The following IMMP2L variants were observed in gnomAD, a reference collection of about 807,000 sequenced individuals.
IMMP2L encodes the protein mitochondrial inner membrane protease subunit 2.
Under a neutral mutation model 19.3 loss-of-function variants are expected in IMMP2L, and 18 were observed. The ratio of observed to expected loss-of-function variants is 0.93; its 90% CI spans 0.64 to 1.38. IMMP2L has a LOEUF of 1.38. Among genes scored for constraint, IMMP2L ranks in the 40% most tolerant of loss-of-function variants. The pLI, the probability that IMMP2L is intolerant of heterozygous loss-of-function variation, is 0.00. For missense variants in IMMP2L, 233 were observed against 218.2 expected (o/e 1.07, Z -0.43); for synonymous variants, 76 against 73.0 (o/e 1.04, Z -0.21).
chr7:111,309,754 A>G (rs1205265026), intron 3 of IMMP2L, among the ~76,000 whole-genome samples: 1 of 152,174 alleles, frequency 6.6e-6, no homozygotes, highest in African/African-American at 2.4e-5. Context: ...GACAGAAATA[A>G]TATATATTTT....
intron 3 of IMMP2L, among the ~76,000 whole-genome samples, chr7:111,338,639 C>T (rs1021926487): frequency 2.0e-5 from 3 of 152,032 alleles, no homozygotes; most frequent in African/African-American, 7.2e-5. Context: ...TGATCCTTAT[C>T]TAGCATCATT....
chr7:111,352,367 C>CTTTT (rs748454509), intron 3 of IMMP2L, among the ~76,000 whole-genome samples: 5 of 130,842 alleles, frequency 3.8e-5, no homozygotes, highest in African/African-American at 8.9e-5. Flanking sequence ...GCACAACTAA[C>CTTTT]TTTTTTTTTT....
chr7:110,814,551 C>A (rs943792836), intron 5 of IMMP2L, among the ~76,000 whole-genome samples: 1 of 150,974 alleles, frequency 6.6e-6, no homozygotes. Flanking sequence ...ACTGTTTTGG[C>A]TGTTAAGTAT....
intron 1 of IMMP2L, among the ~76,000 whole-genome samples, chr7:111,542,013 T>TTAAAAACTTAA (rs879714715): frequency 1.3e-5 from 2 of 152,122 alleles, no homozygotes; most frequent in Admixed American, 6.5e-5. Flanking sequence ...AAGAAATACT[T>TTAAAAACTTAA]AAAAGGTTAG....
chr7:111,350,528 A>AG (rs964773883), intron 3 of IMMP2L, among the ~76,000 whole-genome samples: 11 of 151,974 alleles, frequency 7.2e-5, no homozygotes, highest in Non-Finnish European at 7.4e-5. Flanking sequence ...TTCCTCAGAT[A>AG]GGGGGGTCTA....
chr7:111,555,471 T>A lies in IMMP2L; in HGVS notation c.-3+6380A>T, dbSNP rs536511868. ...TAATCTTCATTCACAAAAAAAAAAA[T>A]ATGACAAGCAAGGAATCAGGCAACT... On this transcript the variant is annotated intron_variant, in intron 1 of 5. Coordinates refer to ENST00000405709, the MANE Select transcript of IMMP2L (RefSeq NM_032549.4). Among the ~76,000 whole-genome samples the A allele has an allele frequency of 2.5e-4, 37 of 149,100 alleles. 1 individual carries two copies. The South Asian group carries it at 7.5e-3, about 30-fold the overall frequency.
intron 3 of IMMP2L, among the ~76,000 whole-genome samples, chr7:111,366,343 A>AG (rs1829758395): frequency 6.7e-6 from 1 of 148,464 alleles, no homozygotes; most frequent in Admixed American, 6.7e-5. Context: ...AAAAAAAGAA[A>AG]GAAAAAAAAA....
At chr7:110,988,436 CT>C (rs778652802) in intron 3 of IMMP2L, among the ~76,000 whole-genome samples, 9 of 152,132 alleles carry the variant, frequency 5.9e-5, no homozygotes, top group African/African-American at 7.2e-5. Context: ...AGTCACATTT[CT>C]TTGGCTAGAA....
chr7:111,477,958 T>C (rs976436449), intron 3 of IMMP2L, among the ~76,000 whole-genome samples: 1 of 152,158 alleles, frequency 6.6e-6, no homozygotes, highest in African/African-American at 2.4e-5. Flanking sequence ...CCATGTGCCC[T>C]AAATGTGCTT....
chr7:111,137,094 T>C (rs767393959), intron 3 of IMMP2L, among the ~76,000 whole-genome samples: 6 of 152,146 alleles, frequency 3.9e-5, no homozygotes, highest in South Asian at 2.1e-4. Context: ...GCTAACGATA[T>C]ATAGTCTTCG....
intron 3 of IMMP2L, among the ~76,000 whole-genome samples, chr7:111,274,621 T>C (rs1039331342): frequency 2.0e-5 from 3 of 152,152 alleles, no homozygotes; most frequent in Non-Finnish European, 4.4e-5. Flanking sequence ...GCATACTAAA[T>C]TACAATAGCA....
chr7:110,862,286 G>C (rs1158076206), intron 5 of IMMP2L, among the ~76,000 whole-genome samples: 1 of 151,342 alleles, frequency 6.6e-6, no homozygotes, highest in East Asian at 1.9e-4. Flanking sequence ...AAATCCTCCA[G>C]TGGGGATCCA....
intron 1 of IMMP2L, among the ~76,000 whole-genome samples, chr7:111,553,150 T>C (rs1166122886): frequency 1.3e-5 from 2 of 152,150 alleles, no homozygotes; most frequent in East Asian, 3.9e-4. Context: ...GTTTTCATGT[T>C]ACAAAACAAC....
chr7:110,799,257 G>T (rs566911632), intron 5 of IMMP2L, among the ~76,000 whole-genome samples: 1 of 152,024 alleles, frequency 6.6e-6, no homozygotes, highest in South Asian at 2.1e-4. Context: ...TAGAAGCTTA[G>T]AACCAAAAAC....
intron 3 of IMMP2L, among the ~76,000 whole-genome samples, chr7:111,446,762 C>CTACG (rs1399676449): frequency 6.6e-6 from 1 of 152,108 alleles, no homozygotes; most frequent in Non-Finnish European, 1.5e-5. Flanking sequence ...TTACTCTGAG[C>CTACG]TACGGGAGGA....
chr7:111,297,059 A>G (rs1821712393), intron 3 of IMMP2L, among the ~76,000 whole-genome samples: 1 of 152,052 alleles, frequency 6.6e-6, no homozygotes, highest in South Asian at 2.1e-4. Flanking sequence ...GAGAAAAGGG[A>G]GCCAAAAGGG....
At chr7:111,067,919 G>A (rs181799195) in intron 3 of IMMP2L, among the ~76,000 whole-genome samples, 27 of 152,164 alleles carry the variant, frequency 1.8e-4, no homozygotes, top group Non-Finnish European at 2.5e-4. Flanking sequence ...ATCGCAGCAA[G>A]AGATTAAGGA....
intron 3 of IMMP2L, among the ~76,000 whole-genome samples, chr7:111,190,461 T>A (rs1249493885): frequency 6.6e-6 from 1 of 152,122 alleles, no homozygotes; most frequent in Non-Finnish European, 1.5e-5. Flanking sequence ...GCATAAAATA[T>A]ATGTATATAT....
At chr7:110,863,493 T>C (rs1807662191) in intron 5 of IMMP2L, among the ~76,000 whole-genome samples, 1 of 152,166 alleles carries the variant, frequency 6.6e-6, no homozygotes. Flanking sequence ...CACTTTCTGA[T>C]GGTGAGAAAG....
Sources: allele counts gnomAD v4.1 joint callset (sites outside exome capture counted in the v4.1 genomes callset), GRCh38; gene constraint gnomAD v4.1.1; transcripts MANE v1.5; gene names NCBI Gene and HGNC (gene_info 2026-07-23, HGNC 2026-07-21).